Variants in TBCK observed in about 807,000 individuals in gnomAD.
The protein encoded by TBCK is TBC1 domain containing kinase.
A neutral mutation model predicts 113.4 loss-of-function variants in TBCK; 99 were observed. The ratio of observed to expected loss-of-function variants is 0.87; its 90% CI spans 0.74 to 1.03. The LOEUF (loss-of-function observed/expected upper bound fraction) is 1.03. Ranked by LOEUF, TBCK falls within the 50% of genes least tolerant of loss-of-function variation. The probability of loss-of-function intolerance (pLI) is 0.00; values close to 1 mark genes in which losing one functional copy is unlikely to be tolerated. For missense variants in TBCK, 1,045 were observed against 1,061.3 expected (o/e 0.98, Z 0.21); for synonymous variants, 369 against 370.8 (o/e 1.00, Z 0.05).
Position 106,247,211 on chromosome 4 carries a change from C to T in TBCK, c.859G>A (p.Ala287Thr). 6.2e-7 allele frequency: 1 copy of T among 1,613,322 alleles called. No homozygotes were observed. The highest frequency in any genetic ancestry group is 8.5e-7 in the Non-Finnish European group (1 of 1,179,598). ...SPLYTPFTKP[A>T]SLFSSSLRCA... ...CTCAGAGAAGATGAAAACAGACTGG[C>T]AGGTTTGGTAAAGGGGGTATATAAA... The change falls in exon 10 of 26, where the codon GCC becomes ACC. Residue 287 changes from alanine to threonine, a missense_variant. Coordinates refer to ENST00000394708, the MANE Select transcript of TBCK (RefSeq NM_001163435.3).
In TBCK at chr4:106,087,098, G is replaced by A. The variant is rs1337159021; in HGVS notation, c.2571+8384C>T. 3.9e-5 allele frequency among the ~76,000 whole-genome samples: 6 copies of A among 152,296 alleles called. No homozygotes were observed. In the South Asian group the frequency reaches 1.2e-3, roughly 32 times the overall value. On this transcript the variant is annotated intron_variant, in intron 25 of 25. Coordinates refer to ENST00000394708, the MANE Select transcript of TBCK (RefSeq NM_001163435.3). ...TTCTGGCCAGGGAAATCAGGCAAGAGAAAGAAATAAAGGGTATTCAAATAG... is the reference window on the plus strand; with the variant it reads ...TTCTGGCCAGGGAAATCAGGCAAGAAAAAGAAATAAAGGGTATTCAAATAG...
chr4:106,051,651 C>A (rs1014233614), intron 25 of TBCK, among the ~76,000 whole-genome samples: 3 of 151,736 alleles, frequency 2.0e-5, no homozygotes, highest in African/African-American at 7.3e-5. Context: ...ACTGTGTGAC[C>A]ATGGCTAGGC....
At chr4:106,297,894 C>A (rs184234284) in intron 2 of TBCK, among the ~76,000 whole-genome samples, 1 of 152,240 alleles carries the variant, frequency 6.6e-6, no homozygotes, top group African/African-American at 2.4e-5. Flanking sequence ...ACCTGCCTCA[C>A]AGGGTTGTTG....
chr4:106,176,617 T>C (rs1751698346), intron 22 of TBCK, among the ~76,000 whole-genome samples: 1 of 152,080 alleles, frequency 6.6e-6, no homozygotes, highest in Non-Finnish European at 1.5e-5. Context: ...ATGTTGGCTA[T>C]TGTGAATAGT....
chr4:106,112,396 C>A (rs1742969475), intron 24 of TBCK, among the ~76,000 whole-genome samples: 1 of 152,162 alleles, frequency 6.6e-6, no homozygotes, highest in Admixed American at 6.5e-5. Flanking sequence ...TAAAACAGTT[C>A]AATCCCCCAT....
intron 20 of TBCK, among the ~76,000 whole-genome samples, chr4:106,207,687 A>T (rs1318498174): frequency 6.6e-6 from 1 of 152,224 alleles, no homozygotes; most frequent in Admixed American, 6.5e-5. Context: ...AATTGAATTT[A>T]AAAAAGGCCT....
At chr4:106,060,717 A>G (rs547171666) in intron 25 of TBCK, among the ~76,000 whole-genome samples, 1 of 151,896 alleles carries the variant, frequency 6.6e-6, no homozygotes, top group South Asian at 2.1e-4. Context: ...GTAAGGCTGT[A>G]GCTGCTATAG....
chr4:106,098,153 T>C (rs1741149480), intron 24 of TBCK, among the ~76,000 whole-genome samples: 1 of 152,078 alleles, frequency 6.6e-6, no homozygotes, highest in Non-Finnish European at 1.5e-5. Context: ...CTGCTTTCTG[T>C]ATAATATAGA....
chr4:106,085,988 G>C (rs945790956), intron 25 of TBCK, among the ~76,000 whole-genome samples: 1 of 152,050 alleles, frequency 6.6e-6, no homozygotes, highest in Admixed American at 6.6e-5. Context: ...GTCCACATCA[G>C]AAAGCTAAAA....
chr4:106,073,166 A>G (rs1737695241), intron 25 of TBCK, among the ~76,000 whole-genome samples: 1 of 152,214 alleles, frequency 6.6e-6, no homozygotes, highest in Admixed American at 6.5e-5. Flanking sequence ...AATCTTTTGC[A>G]GGAGGAGAGG....
intron 25 of TBCK, among the ~76,000 whole-genome samples, chr4:106,058,244 T>C (rs1426640020): frequency 1.3e-5 from 2 of 151,830 alleles, no homozygotes; most frequent in Admixed American, 1.3e-4. Context: ...AGAGCCATCA[T>C]TTATGGTTGT....
Position 106,183,027 on chromosome 4 carries a change from C to G in TBCK, c.2059+10582G>C, listed in dbSNP as rs150185178. ...AGGAATACAGCATAGAATGTTATTA[C>G]TTAAGAGAGAATTCTAAAATATTAG... On this transcript the variant is annotated intron_variant, in intron 22 of 25. Transcript: ENST00000394708. Among the ~76,000 whole-genome samples, 27 of 152,100 alleles carry G rather than the reference C, an allele frequency of 1.8e-4. No individual in the cohort carries two copies. In the East Asian group the frequency reaches 5.2e-3, roughly 29 times the overall value.
At chr4:106,217,225 A>G (rs934776380) in intron 19 of TBCK, among the ~76,000 whole-genome samples, 1 of 152,170 alleles carries the variant, frequency 6.6e-6, no homozygotes, top group Non-Finnish European at 1.5e-5. Context: ...CTTCAAAATA[A>G]TAAGAGCTAT....
At chr4:106,052,577 T>C (rs1382323164) in intron 25 of TBCK, among the ~76,000 whole-genome samples, 1 of 151,694 alleles carries the variant, frequency 6.6e-6, no homozygotes, top group Non-Finnish European at 1.5e-5. Context: ...GGAAATTTGA[T>C]AGTGTAAGGA....
intron 3 of TBCK, among the ~76,000 whole-genome samples, chr4:106,269,995 A>C (rs1387667940): frequency 6.6e-6 from 1 of 152,176 alleles, no homozygotes; most frequent in African/African-American, 2.4e-5. Flanking sequence ...GCAAATTTAT[A>C]AAGTAAAAAA....
intron 23 of TBCK, among the ~76,000 whole-genome samples, chr4:106,148,031 A>T (rs1033012502): frequency 2.6e-5 from 4 of 152,176 alleles, no homozygotes; most frequent in Admixed American, 1.3e-4. Context: ...AATATACCCC[A>T]GTCTCCCATA....
chr4:106,236,699 T>G, intron 13 of TBCK, 60 bp downstream of exon 13: 1 of 1,075,438 alleles, frequency 9.3e-7, no homozygotes, highest in South Asian at 2.6e-5. Context: ...TATAAAATTC[T>G]TATAAATCTA....
intron 3 of TBCK, among the ~76,000 whole-genome samples, chr4:106,265,482 C>T (rs756112467): frequency 2.0e-5 from 3 of 151,710 alleles, no homozygotes; most frequent in African/African-American, 7.3e-5. Flanking sequence ...ATCTTTAGTC[C>T]TATCTATTAT....
In TBCK at chr4:106,044,835, T is replaced by TAAAC. The variant is rs963953641; in HGVS notation, c.*1731_*1734dup. 1 of 152,084 alleles carries TAAAC rather than the reference T, an allele frequency of 6.6e-6. No individual in the cohort carries two copies. The highest frequency in any genetic ancestry group is 2.4e-5 in the African/African-American group (1 of 41,396). The allele number at this position is 152,084 out of a possible 1,614,324, so 9.4% of individuals were successfully genotyped here. On this transcript the variant is annotated 3_prime_UTR_variant, in exon 26 of 26. Coordinates refer to ENST00000394708, the MANE Select transcript of TBCK (RefSeq NM_001163435.3). Reference sequence around the variant, plus strand: ...GATGCAAAGAAAAAATAAAATAAAGTAAACAATAGCAGCAACAACAAAACC... The same window carrying TAAAC: ...GATGCAAAGAAAAAATAAAATAAAGTAAACAAACAATAGCAGCAACAACAAAACC...
Sources: gnomAD v4.1 joint callset for allele counts (sites outside exome capture counted in the v4.1 genomes callset) on GRCh38, gnomAD v4.1.1 for gene constraint, MANE v1.5 for transcripts, NCBI Gene and HGNC (gene_info 2026-07-23, HGNC 2026-07-21) for gene names.